The following RBFOX1 variants were observed in gnomAD, a reference collection of about 807,000 sequenced individuals.
The protein encoded by RBFOX1 is RNA binding fox-1 homolog 1.
RBFOX1 carries 8 observed loss-of-function variants against 57.7 expected under a neutral mutation model. That is an observed-to-expected ratio of 0.14 (90% CI 0.08 to 0.25). The LOEUF (loss-of-function observed/expected upper bound fraction) is 0.25, where lower values mean the gene tolerates loss of function less well. Ranked by LOEUF, RBFOX1 falls within the 10% of genes least tolerant of loss-of-function variation. The probability of loss-of-function intolerance (pLI) is 1.00; values close to 1 mark genes in which losing one functional copy is unlikely to be tolerated. For missense variants in RBFOX1, 611 were observed against 548.5 expected (o/e 1.11, Z -1.14); for synonymous variants, 326 against 222.4 (o/e 1.47, Z -4.15).
chr16:6,960,033 C>T (rs920933441), intron 3 of RBFOX1, among the ~76,000 whole-genome samples: 4 of 152,140 alleles, frequency 2.6e-5, no homozygotes, highest in Non-Finnish European at 5.9e-5. Flanking sequence ...CTAGGCCTTT[C>T]CTAGGCCTTG....
chr16:7,387,723 C>T (rs1216069518), intron 4 of RBFOX1, among the ~76,000 whole-genome samples: 1 of 152,190 alleles, frequency 6.6e-6, no homozygotes, highest in Non-Finnish European at 1.5e-5. Context: ...TCATGGTACA[C>T]ATCCTGCGTC....
chr16:5,852,103 T>A (rs550557408), intron 3 of RBFOX1, among the ~76,000 whole-genome samples: 17 of 152,310 alleles, frequency 1.1e-4, no homozygotes, highest in Non-Finnish European at 1.5e-4. Flanking sequence ...TGCAGAGTGA[T>A]CAGAATGATC....
At chr16:7,447,864 C>G (rs1163790750) in intron 4 of RBFOX1, among the ~76,000 whole-genome samples, 2 of 152,208 alleles carry the variant, frequency 1.3e-5, no homozygotes, top group South Asian at 4.1e-4. Flanking sequence ...TCTGTGTGTT[C>G]TATGAATTAG....
At chr16:6,330,201 G>T (rs1567950278) in intron 2 of RBFOX1, among the ~76,000 whole-genome samples, 4 of 152,110 alleles carry the variant, frequency 2.6e-5, no homozygotes, top group Admixed American at 2.6e-4. Context: ...AAAGGAAGGA[G>T]AACTATTCTA....
At chr16:7,218,313 C>T (rs539364312) in intron 4 of RBFOX1, among the ~76,000 whole-genome samples, 2 of 152,300 alleles carry the variant, frequency 1.3e-5, no homozygotes, top group East Asian at 3.9e-4. Flanking sequence ...TGCTATAATA[C>T]TCTAAGCCAT....
intron 3 of RBFOX1, among the ~76,000 whole-genome samples, chr16:5,841,817 C>G (rs2056633374): frequency 6.6e-6 from 1 of 152,202 alleles, no homozygotes; most frequent in African/African-American, 2.4e-5. Context: ...TTTCTACTCG[C>G]AGACTAAAAG....
intron 2 of RBFOX1, among the ~76,000 whole-genome samples, chr16:6,636,033 A>G (rs569885861): frequency 6.6e-6 from 1 of 152,292 alleles, no homozygotes; most frequent in Non-Finnish European, 1.5e-5. Context: ...TACATGTTTA[A>G]TAATTTATGC....
intron 4 of RBFOX1, among the ~76,000 whole-genome samples, chr16:7,107,686 C>G (rs2063856790): frequency 6.6e-6 from 1 of 152,104 alleles, no homozygotes; most frequent in African/African-American, 2.4e-5. Flanking sequence ...TTTCTACACA[C>G]TAGTTTGCCT....
At chr16:5,605,040 C>A (rs1307607939), downstream of RBFOX1, among the ~76,000 whole-genome samples, 1 of 152,236 alleles carries the variant, frequency 6.6e-6, no homozygotes, top group African/African-American at 2.4e-5. Context: ...CACCCACTCA[C>A]CCGGCCTTCA....
chr16:6,788,445 A>T (rs1567246835), intron 3 of RBFOX1, among the ~76,000 whole-genome samples: 1 of 148,612 alleles, frequency 6.7e-6, no homozygotes, highest in African/African-American at 2.5e-5. Context: ...TGCTGCACTG[A>T]TTTTTTTTTT....
chr16:6,163,162 A>G (rs2096892031), intron 1 of RBFOX1, among the ~76,000 whole-genome samples: 1 of 152,172 alleles, frequency 6.6e-6, no homozygotes, highest in African/African-American at 2.4e-5. Context: ...CTAGAATGGG[A>G]TGCATATTGC....
intron 2 of RBFOX1, among the ~76,000 whole-genome samples, chr16:6,518,365 C>G (rs1265206515): frequency 1.3e-5 from 2 of 152,198 alleles, no homozygotes; most frequent in African/African-American, 4.8e-5. Flanking sequence ...TGGCTCAAGG[C>G]TTTCTGTGGG....
In RBFOX1 at chr16:6,271,250, C is replaced by A. The variant is rs142324961; in HGVS notation, c.-126-45745C>A. On this transcript the variant is annotated intron_variant, in intron 1 of 15. Transcript: ENST00000550418. ...ACCAGTCTGGCCAACATGGTGAAACCCCATACCTACTAAAAATACAAAAAT... is the reference window on the plus strand; with the variant it reads ...ACCAGTCTGGCCAACATGGTGAAACACCATACCTACTAAAAATACAAAAAT... Among the ~76,000 whole-genome samples, 377 of 152,192 alleles carry A rather than the reference C, an allele frequency of 2.5e-3. 1 individual carries two copies. The highest frequency in any genetic ancestry group is 4.7e-3 in the Non-Finnish European group (322 of 68,006).
chr16:6,250,219 T>C (rs940551896), intron 1 of RBFOX1, among the ~76,000 whole-genome samples: 2 of 152,204 alleles, frequency 1.3e-5, no homozygotes, highest in African/African-American at 4.8e-5. Flanking sequence ...TTTTCCCTTC[T>C]TCTTTATACA....
At chr16:5,458,730 A>G (rs373034228) in intron 1 of RBFOX1, among the ~76,000 whole-genome samples, 181 of 152,360 alleles carry the variant, frequency 1.2e-3, no homozygotes, top group African/African-American at 4.0e-3. Context: ...TCCTAACAAC[A>G]GGAGAATATA....
intron 3 of RBFOX1, among the ~76,000 whole-genome samples, chr16:5,730,182 C>A (rs1417405181): frequency 6.6e-6 from 1 of 152,154 alleles, no homozygotes; most frequent in Non-Finnish European, 1.5e-5. Flanking sequence ...TTGAATTAGC[C>A]AGATCACCAG....
Position 5,254,871 on chromosome 16 carries a change from G to T in RBFOX1, c.219+14766G>T, listed in dbSNP as rs190804600. The stretch of plus-strand genomic sequence containing the variant: ...TTTGAGCTGAAGGTCATGTGTAGGT[G>T]GAGCGAAGAGGGTGAGCCTTTTGGG... On this transcript the variant is annotated intron_variant, in intron 1 of 2. Transcript: ENST00000585867. 3.9e-5 allele frequency among the ~76,000 whole-genome samples: 6 copies of T among 152,288 alleles called. No homozygotes were observed. In the East Asian group the frequency reaches 1.2e-3, roughly 29 times the overall value.
chr16:7,021,781 A>G (rs1208909594), intron 3 of RBFOX1, among the ~76,000 whole-genome samples: 9 of 150,984 alleles, frequency 6.0e-5, no homozygotes, highest in African/African-American at 1.9e-4. Flanking sequence ...AGCATGTACT[A>G]TATACCAGGC....
chr16:7,229,004 T>A (rs552033234), intron 4 of RBFOX1, among the ~76,000 whole-genome samples: 1 of 152,242 alleles, frequency 6.6e-6, no homozygotes, highest in East Asian at 1.9e-4. Context: ...GGATGGGGAA[T>A]AGCAGGCTAA....
Sources: gnomAD v4.1 joint callset for allele counts (sites outside exome capture counted in the v4.1 genomes callset) on GRCh38, gnomAD v4.1.1 for gene constraint, MANE v1.5 for transcripts, NCBI Gene and HGNC (gene_info 2026-07-23, HGNC 2026-07-21) for gene names.